C1QTNF9: variants seen among roughly 807,000 people sequenced by gnomAD.
C1QTNF9 encodes C1q and TNF related 9.
C1QTNF9 carries 6 observed loss-of-function variants against 10.1 expected under a neutral mutation model. The observed-to-expected ratio is 0.59, with a 90% confidence interval of 0.32 to 1.17. The LOEUF is 1.17. Ranked by LOEUF, C1QTNF9 falls within the 50% of genes most tolerant of loss-of-function variation. The pLI, the probability that C1QTNF9 is intolerant of heterozygous loss-of-function variation, is 0.04. For missense variants in C1QTNF9, 201 were observed against 418.8 expected, an observed-to-expected ratio of 0.48 and a Z score of 4.54; for synonymous variants, 98 against 163.5, an observed-to-expected ratio of 0.60 and a Z score of 3.06.
At chr13:24,315,680 GAA>G in intron 1 of C1QTNF9, 1 of 483,066 alleles carries the variant, frequency 2.1e-6, no homozygotes, top group South Asian at 4.8e-5. Context: ...CTCTGGTTCA[GAA>G]AAGTGATTTC....
At chr13:24,320,721 C>CTT (rs879414090) in intron 3 of C1QTNF9, among the ~76,000 whole-genome samples, 2 of 144,604 alleles carry the variant, frequency 1.4e-5, no homozygotes, top group African/African-American at 5.1e-5. Context: ...TTTTCTTTTT[C>CTT]TTTTTTTTTT....
In C1QTNF9 at chr13:24,315,668, A is replaced by ACAG. The variant is rs1593533508; in HGVS notation, c.-22-314_-22-313insCAG. ...AGTCCTGTGAGATAAGTAAGCATTG[A>ACAG]TCTCTGGTTCAGAAAAGTGATTTCT... is the stretch of plus-strand genomic sequence containing the variant. On this transcript the variant is annotated intron_variant, in intron 1 of 3. Coordinates refer to ENST00000332018, the Ensembl canonical transcript of C1QTNF9. The ACAG allele has an allele frequency of 1.3e-5, 6 of 472,334 alleles. No individual in the cohort carries two copies. The East Asian group carries it at 1.9e-4, about 15-fold the overall frequency. 29.3% of individuals were successfully genotyped at this position (472,334 alleles called of 1,614,324 possible). A position where few individuals can be genotyped will look rare whatever the true frequency, so the allele number is the denominator to read the frequency against.
At chr13:24,314,408 G>A (rs1877950580) in intron 1 of C1QTNF9, among the ~76,000 whole-genome samples, 1 of 151,522 alleles carries the variant, frequency 6.6e-6, no homozygotes, top group Non-Finnish European at 1.5e-5. Context: ...AAGAAAAATA[G>A]GCAATGGCTC....
chr13:24,310,917 A>G (rs75506215), intron 1 of C1QTNF9, among the ~76,000 whole-genome samples: 11 of 150,362 alleles, frequency 7.3e-5, no homozygotes, highest in Non-Finnish European at 8.9e-5. Context: ...GTCTCAAAAA[A>G]AAAAAAAAAA....
At chr13:24,320,814 G>A (rs1289688248) in intron 3 of C1QTNF9, among the ~76,000 whole-genome samples, 182 bp from the exon 4 acceptor site, 1 of 151,492 alleles carries the variant, frequency 6.6e-6, no homozygotes, top group African/African-American at 2.4e-5. Context: ...GTCTCCCAAG[G>A]TGCTAGGATT....
upstream of C1QTNF9, among the ~76,000 whole-genome samples, chr13:24,309,418 T>G (rs1190548089): frequency 6.6e-6 from 1 of 151,958 alleles, no homozygotes; most frequent in Admixed American, 6.6e-5. Context: ...TGGTAGAATA[T>G]GCTACCTGAT....
At chr13:24,310,443 G>A (rs555757603) in intron 1 of C1QTNF9, among the ~76,000 whole-genome samples, 151 of 150,932 alleles carry the variant, frequency 1.0e-3, no homozygotes, top group African/African-American at 3.5e-3. Context: ...GAGCCACCAC[G>A]CCCGGCCTAT....
upstream of C1QTNF9, among the ~76,000 whole-genome samples, chr13:24,308,172 C>T (rs1365609546): frequency 2.6e-5 from 4 of 152,250 alleles, no homozygotes; most frequent in African/African-American, 9.6e-5. Context: ...GGCTCTGAGG[C>T]AGAGGTCCAG....
exon 2 of C1QTNF9, chr13:24,316,020 T>G (rs1174605626): frequency 3.7e-6 from 6 of 1,613,732 alleles, no homozygotes; most frequent in Non-Finnish European, 4.2e-6. Context: ...ATCTGGTGGC[T>G]TCTGCTTGCC....
At chr13:24,319,981 C>T (rs1878186399) in intron 3 of C1QTNF9, among the ~76,000 whole-genome samples, 1 of 152,200 alleles carries the variant, frequency 6.6e-6, no homozygotes, top group Non-Finnish European at 1.5e-5. Flanking sequence ...TCAGAGTCCA[C>T]ACTTGCAACC....
At position 24,310,521 on chromosome 13, in the gene C1QTNF9, C is replaced by CT. The variant is rs200205461; in HGVS notation, c.-23+913dup. The stretch of plus-strand genomic sequence containing the variant: ...TATTTTGCACAAATTTTAATGTGTA[C>CT]TTTTTTTTCCTGATCAGGTTCATCA... On this transcript the variant is annotated intron_variant, in intron 1 of 3. Coordinates refer to ENST00000332018, the Ensembl canonical transcript of C1QTNF9. 3.3e-5 allele frequency among the ~76,000 whole-genome samples: 5 copies of CT among 151,914 alleles called. No individual in the cohort carries two copies. The East Asian group carries it at 5.8e-4, about 18-fold the overall frequency.
intron 1 of C1QTNF9, among the ~76,000 whole-genome samples, chr13:24,311,822 A>T (rs1877832419): frequency 6.6e-6 from 1 of 152,204 alleles, no homozygotes; most frequent in African/African-American, 2.4e-5. Context: ...TCTATCCCCA[A>T]ATTGTTGCCC....
In C1QTNF9 at chr13:24,310,240, G is replaced by A. The variant is rs371421516; in HGVS notation, c.-23+624G>A. 2.6e-5 allele frequency among the ~76,000 whole-genome samples: 4 copies of A among 151,678 alleles called. No homozygotes were observed. In the East Asian group the frequency reaches 7.8e-4, roughly 29 times the overall value. On this transcript the variant is annotated intron_variant, in intron 1 of 3. Transcript: ENST00000332018. ...AGGATCTCAGCTCACTGCAAGCTCC[G>A]CCTCCCGGGTTCACACCATTCTTCT...
upstream of C1QTNF9, among the ~76,000 whole-genome samples, chr13:24,308,205 C>T (rs1239199346): frequency 2.0e-5 from 3 of 152,326 alleles, no homozygotes; most frequent in Admixed American, 6.5e-5. Context: ...CCCAGGTGGT[C>T]CTGTCTCAGA....
At chr13:24,316,123 T>C in exon 2 of C1QTNF9, 1 of 1,612,188 alleles carries the variant, frequency 6.2e-7, no homozygotes, top group East Asian at 2.2e-5. Context: ...ATGGTCTGCC[T>C]GGAAGAGATG....
chr13:24,315,334 C>G (rs933890106), intron 1 of C1QTNF9, among the ~76,000 whole-genome samples: 4 of 152,154 alleles, frequency 2.6e-5, no homozygotes, highest in African/African-American at 9.7e-5. Flanking sequence ...GGTTTCACTT[C>G]GCATAATGTT....
At chr13:24,321,689 G>T (rs1254388178) in exon 4 of C1QTNF9, 1 of 1,613,588 alleles carries the variant, frequency 6.2e-7, no homozygotes, top group Non-Finnish European at 8.5e-7. Context: ...GTGACAGGAG[G>T]AGAGAGGTTC....
chr13:24,314,773 G>A (rs1877965626), intron 1 of C1QTNF9, among the ~76,000 whole-genome samples: 1 of 152,046 alleles, frequency 6.6e-6, no homozygotes, highest in African/African-American at 2.4e-5. Context: ...GAGCTGGGAG[G>A]TTGAGACTAC....
Position 24,318,761 on chromosome 13 carries a change from C to T in C1QTNF9, c.167-57C>T. The T allele has an allele frequency of 1.9e-6, 3 of 1,609,910 alleles. No homozygotes were observed. In the South Asian group the frequency reaches 3.3e-5, roughly 18 times the overall value. On this transcript the variant is annotated intron_variant, in intron 2 of 3. Coordinates refer to ENST00000332018, the Ensembl canonical transcript of C1QTNF9. ...ACACATGGCTGATGGAGACCAATGG[C>T]CAGAAAAATCAGAAATGGAATTTCA...
Sources: gnomAD v4.1 joint callset for allele counts (sites outside exome capture counted in the v4.1 genomes callset) on GRCh38, gnomAD v4.1.1 for gene constraint, MANE v1.5 for transcripts, NCBI Gene and HGNC (gene_info 2026-07-23, HGNC 2026-07-21) for gene names.